GABRB1: variants seen among roughly 807,000 people sequenced by gnomAD.
The protein encoded by GABRB1 is gamma-aminobutyric acid receptor subunit beta-1.
Under a neutral mutation model 51.6 loss-of-function variants are expected in GABRB1, and 17 were observed. That is an observed-to-expected ratio of 0.33 (90% CI 0.23 to 0.49). The LOEUF (loss-of-function observed/expected upper bound fraction) is 0.49, where lower values mean the gene tolerates loss of function less well. GABRB1 is among the 20% of genes least tolerant of loss of function. The probability of loss-of-function intolerance (pLI) is 0.99; values close to 1 mark genes in which losing one functional copy is unlikely to be tolerated. For missense variants in GABRB1, 410 were observed against 600.6 expected (o/e 0.68, Z 3.32); for synonymous variants, 247 against 218.9 (o/e 1.13, Z -1.14).
At chr4:47,195,460 A>ATGATTGAT (rs1553922638) in intron 4 of GABRB1, among the ~76,000 whole-genome samples, 2 of 80,124 alleles carry the variant, frequency 2.5e-5, no homozygotes, top group Non-Finnish European at 5.3e-5. Flanking sequence ...GATAGATTAG[A>ATGATTGAT]TGATAGATAG....
At chr4:47,226,125 A>T (rs1437008053) in intron 4 of GABRB1, among the ~76,000 whole-genome samples, 2 of 152,184 alleles carry the variant, frequency 1.3e-5, no homozygotes, top group Non-Finnish European at 2.9e-5. Context: ...AAAGCCAGAA[A>T]AATCTCTGTT....
chr4:47,043,721 C>T (rs1248756858), intron 3 of GABRB1, among the ~76,000 whole-genome samples: 2 of 151,960 alleles, frequency 1.3e-5, no homozygotes, highest in Non-Finnish European at 2.9e-5. Context: ...AAATATGGGA[C>T]CCTATCTGTA....
intron 5 of GABRB1, among the ~76,000 whole-genome samples, chr4:47,324,480 G>GT (rs1371174654): frequency 6.6e-6 from 1 of 152,096 alleles, no homozygotes; most frequent in Non-Finnish European, 1.5e-5. Context: ...TTCCCTGAAG[G>GT]TTTTTTCCTA....
intron 4 of GABRB1, among the ~76,000 whole-genome samples, chr4:47,257,631 G>T (rs1722266610): frequency 1.3e-5 from 2 of 151,306 alleles, no homozygotes; most frequent in Admixed American, 6.6e-5. Flanking sequence ...ACTGAGTTTA[G>T]AGAAGGGCAA....
At chr4:47,390,911 G>C (rs1012398518) in intron 5 of GABRB1, among the ~76,000 whole-genome samples, 18 of 152,168 alleles carry the variant, frequency 1.2e-4, no homozygotes, top group Admixed American at 1.0e-3. Flanking sequence ...GGCACGGTGG[G>C]TCATGCCTCT....
intron 4 of GABRB1, among the ~76,000 whole-genome samples, chr4:47,189,285 A>G (rs564446427): frequency 2.5e-4 from 38 of 152,076 alleles, no homozygotes; most frequent in Non-Finnish European, 5.2e-4. Flanking sequence ...AGTCAAGCCA[A>G]GATAAGTGGG....
chr4:47,238,492 A>G (rs1721407138), intron 4 of GABRB1, among the ~76,000 whole-genome samples: 1 of 152,160 alleles, frequency 6.6e-6, no homozygotes, highest in South Asian at 2.1e-4. Flanking sequence ...CTATGCAACA[A>G]ATAGGTAATC....
chr4:47,139,140 A>T (rs1339353456), intron 3 of GABRB1, among the ~76,000 whole-genome samples: 1 of 151,858 alleles, frequency 6.6e-6, no homozygotes, highest in African/African-American at 2.4e-5. Context: ...TCTTTCTGTC[A>T]CTCTCCCAAC....
rs193096327 is a variant in GABRB1 at position 47,083,636 on chromosome 4, C to T, written c.240+51152C>T. On this transcript the variant is annotated intron_variant, in intron 3 of 8. Coordinates refer to ENST00000295454, the MANE Select transcript of GABRB1 (RefSeq NM_000812.4). The stretch of plus-strand genomic sequence containing the variant: ...CCTGAGCTATTTCCTGGGTCTGTCA[C>T]ATTGCTAAGCATCCATCCCCATTCC... 4.1e-4 allele frequency among the ~76,000 whole-genome samples: 62 copies of T among 152,244 alleles called. 1 individual carries two copies. The East Asian group carries it at 0.01, about 25-fold the overall frequency.
intron 4 of GABRB1, among the ~76,000 whole-genome samples, chr4:47,208,780 G>A (rs1361264738): frequency 6.6e-6 from 1 of 152,038 alleles, no homozygotes; most frequent in Non-Finnish European, 1.5e-5. Flanking sequence ...TGCTGGGCAT[G>A]ATTTATATTC....
At chr4:47,117,295 T>G (rs933670853) in intron 3 of GABRB1, among the ~76,000 whole-genome samples, 4 of 152,200 alleles carry the variant, frequency 2.6e-5, no homozygotes, top group Admixed American at 6.5e-5. Context: ...TAAAAATATT[T>G]AAAATCCCTA....
upstream of GABRB1, among the ~76,000 whole-genome samples, chr4:47,030,180 A>G (rs546307793): frequency 6.6e-6 from 1 of 152,260 alleles, no homozygotes; most frequent in South Asian, 2.1e-4. Context: ...TATCTAGGTC[A>G]TATTTTGTGT....
chr4:47,263,009 C>T (rs564723960), intron 4 of GABRB1, among the ~76,000 whole-genome samples: 1 of 124,798 alleles, frequency 8.0e-6, no homozygotes, highest in East Asian at 2.3e-4. Flanking sequence ...CACATAGACA[C>T]AGGAAGGGGA....
upstream of GABRB1, among the ~76,000 whole-genome samples, chr4:47,026,788 G>T (rs1005402467): frequency 1.3e-5 from 2 of 151,922 alleles, no homozygotes; most frequent in African/African-American, 4.8e-5. Context: ...TAATTATACA[G>T]GAGAAGTTGC....
intron 1 of GABRB1, among the ~76,000 whole-genome samples, chr4:47,017,674 C>T (rs1724789813): frequency 1.3e-5 from 2 of 152,000 alleles, no homozygotes; most frequent in African/African-American, 4.8e-5. Flanking sequence ...CTAGTTTTAC[C>T]ACTGAATCTC....
At position 47,426,422 on chromosome 4, in the gene GABRB1, T is replaced by C. The variant is rs933698757; in HGVS notation, c.*404T>C. On this transcript the variant is annotated 3_prime_UTR_variant, in exon 9 of 9. Transcript: ENST00000295454. ...TTCCTGGTAAACTATAACAAACTTA[T>C]GCTGCCAAAAAAAAAAAAAAAAAAA... The C allele has an allele frequency of 3.6e-5, 4 of 110,814 alleles. No homozygotes were observed. The highest frequency in any genetic ancestry group is 8.5e-5 in the African/African-American group (2 of 23,444). The allele number at this position is 110,814 out of a possible 1,614,324, so 6.9% of individuals were successfully genotyped here. A position where few individuals can be genotyped will look rare whatever the true frequency, so the allele number is the denominator to read the frequency against.
intron 5 of GABRB1, among the ~76,000 whole-genome samples, chr4:47,396,290 T>A (rs1728179070): frequency 6.6e-6 from 1 of 152,138 alleles, no homozygotes; most frequent in African/African-American, 2.4e-5. Context: ...TTACTCACTA[T>A]CAGGAGAACA....
At chr4:47,389,471 C>T (rs945074921) in intron 5 of GABRB1, among the ~76,000 whole-genome samples, 2 of 152,162 alleles carry the variant, frequency 1.3e-5, no homozygotes, top group Admixed American at 6.6e-5. Flanking sequence ...AATTAACTAC[C>T]GAGCAGACTC....
chr4:47,002,454 C>T (rs1724258786), intron 1 of GABRB1, among the ~76,000 whole-genome samples: 1 of 152,068 alleles, frequency 6.6e-6, no homozygotes, highest in Admixed American at 6.6e-5. Flanking sequence ...CAGAAGAAAA[C>T]ACAAATTAAA....
Sources: allele counts gnomAD v4.1 joint callset (sites outside exome capture counted in the v4.1 genomes callset), GRCh38; gene constraint gnomAD v4.1.1; transcripts MANE v1.5; gene names NCBI Gene and HGNC (gene_info 2026-07-23, HGNC 2026-07-21).